The following DOCK5 variants were observed in gnomAD, a reference collection of about 807,000 sequenced individuals.
DOCK5 encodes dedicator of cytokinesis 5, also known as dedicator of cytokinesis protein 5.
In DOCK5, 142 loss-of-function variants were observed where a neutral mutation model predicts 251.8. The observed-to-expected ratio is 0.56, with a 90% CI of 0.49 to 0.65. The LOEUF (loss-of-function observed/expected upper bound fraction) is 0.65. Ranked by LOEUF, DOCK5 falls within the 30% of genes least tolerant of loss-of-function variation. The pLI, the probability that DOCK5 is intolerant of heterozygous loss-of-function variation, is 0.00. For synonymous variants in DOCK5, 842 were observed against 835.5 expected, an observed-to-expected ratio of 1.01 and a Z score of -0.13; for missense variants, 2,111 against 2,312.3, an observed-to-expected ratio of 0.91 and a Z score of 1.79.
At chr8:25,197,227 T>C (rs1801751805) in intron 1 of DOCK5, among the ~76,000 whole-genome samples, 1 of 152,154 alleles carries the variant, frequency 6.6e-6, no homozygotes, top group Admixed American at 6.5e-5. Context: ...TTTATAAAAG[T>C]GTTTTTTGAG....
At chr8:25,325,787 A>G (rs531047600) in intron 18 of DOCK5, among the ~76,000 whole-genome samples, 32 of 152,312 alleles carry the variant, frequency 2.1e-4, no homozygotes, top group Admixed American at 2.1e-3. Context: ...TTAGTATTTA[A>G]TATCTTAAAA....
At chr8:25,242,699 T>A (rs549967445) in intron 1 of DOCK5, among the ~76,000 whole-genome samples, 12 of 152,358 alleles carry the variant, frequency 7.9e-5, no homozygotes, top group Admixed American at 3.3e-4. Context: ...TAGTCTATCA[T>A]TTTTCACAAC....
At chr8:25,361,643 T>C (rs911435895) in intron 28 of DOCK5, among the ~76,000 whole-genome samples, 4 of 151,974 alleles carry the variant, frequency 2.6e-5, no homozygotes, top group Admixed American at 2.6e-4. Flanking sequence ...GTAAATAAAA[T>C]ATATGATGAA....
intron 33 of DOCK5, 27 bp from the exon 34 acceptor site, chr8:25,369,529 C>G (rs781247267): frequency 1.3e-6 from 2 of 1,584,300 alleles, no homozygotes; most frequent in African/African-American, 1.3e-5. Context: ...GCAACATTAT[C>G]CTGTGAAATT....
intron 5 of DOCK5, among the ~76,000 whole-genome samples, 178 bp from the exon 6 acceptor site, chr8:25,291,846 C>T (rs571096600): frequency 7.7e-6 from 1 of 130,238 alleles, no homozygotes; most frequent in African/African-American, 2.9e-5. Context: ...GCACTCCAGC[C>T]TGGGTGACAG....
At chr8:25,349,401 A>G (rs543442766) in intron 26 of DOCK5, among the ~76,000 whole-genome samples, 43 of 152,376 alleles carry the variant, frequency 2.8e-4, no homozygotes, top group African/African-American at 9.6e-4. Flanking sequence ...CATTCAATCC[A>G]GCAATTCCAC....
intron 1 of DOCK5, among the ~76,000 whole-genome samples, chr8:25,241,047 A>G (rs948927540): frequency 6.6e-6 from 1 of 152,188 alleles, no homozygotes; most frequent in Non-Finnish European, 1.5e-5. Context: ...ATAAAGATAT[A>G]TGCGATTGCA....
intron 5 of DOCK5, among the ~76,000 whole-genome samples, chr8:25,290,839 G>T (rs1007421527): frequency 6.6e-6 from 1 of 152,154 alleles, no homozygotes; most frequent in African/African-American, 2.4e-5. Context: ...GGGCACTGTG[G>T]GTGGGACCGC....
rs113940021 is a variant in DOCK5 at position 25,390,305 on chromosome 8, T to TA, written c.4355+32dup. 16,015 of 1,346,192 alleles carry TA rather than the reference T, an allele frequency of 0.012. No homozygotes were observed. Among genetic ancestry groups the TA allele is most frequent in the South Asian group, 0.013 (966 of 72,364 alleles). 83.4% of individuals were successfully genotyped at this position (1,346,192 alleles called of 1,614,324 possible). On this transcript the variant is annotated intron_variant, in intron 42 of 51. Transcript: ENST00000276440. Reference sequence around the variant, plus strand: ...ATCTTAAAGTAAGTGGTTTTTCATTTAAAAAAAAAAAAAATCTGTGTCTAG... The same window carrying TA: ...ATCTTAAAGTAAGTGGTTTTTCATTTAAAAAAAAAAAAAAATCTGTGTCTAG...
intron 1 of DOCK5, among the ~76,000 whole-genome samples, chr8:25,231,622 T>C (rs1802670750): frequency 6.6e-6 from 1 of 152,246 alleles, no homozygotes; most frequent in Admixed American, 6.5e-5. Flanking sequence ...ATAATCATGG[T>C]ATTTGCTCAT....
At chr8:25,402,336 G>A (rs767567587) in intron 47 of DOCK5, among the ~76,000 whole-genome samples, 4 of 151,418 alleles carry the variant, frequency 2.6e-5, no homozygotes, top group South Asian at 2.1e-4. Flanking sequence ...TCGCTCTGTC[G>A]CCCAGGCTGG....
chr8:25,232,832 C>G (rs1802704624), intron 1 of DOCK5, among the ~76,000 whole-genome samples: 1 of 152,170 alleles, frequency 6.6e-6, no homozygotes, highest in South Asian at 2.1e-4. Context: ...TCTGAGCTCT[C>G]AGCCCAGTAC....
chr8:25,198,746 A>G (rs1413482251), intron 1 of DOCK5, among the ~76,000 whole-genome samples: 1 of 152,188 alleles, frequency 6.6e-6, no homozygotes, highest in East Asian at 1.9e-4. Flanking sequence ...CAGATGACTT[A>G]CCTAAAAGTC....
At chr8:25,259,042 C>T (rs909138756) in intron 2 of DOCK5, among the ~76,000 whole-genome samples, 2 of 152,090 alleles carry the variant, frequency 1.3e-5, no homozygotes, top group African/African-American at 2.4e-5. Context: ...TTGCTTGAGC[C>T]CGGGGGGGCG....
At chr8:25,388,748 T>G in intron 40 of DOCK5, 1 of 209,580 alleles carries the variant, frequency 4.8e-6, no homozygotes, top group South Asian at 1.1e-4. Context: ...CATGAAAATA[T>G]CAGCATGCCT....
intron 38 of DOCK5, among the ~76,000 whole-genome samples, chr8:25,377,673 A>G (rs1370424239): frequency 6.6e-6 from 1 of 152,150 alleles, no homozygotes; most frequent in Non-Finnish European, 1.5e-5. Flanking sequence ...AGTCTGCTAG[A>G]ACAACCAATA....
chr8:25,213,360 G>A (rs1386512195), intron 1 of DOCK5, among the ~76,000 whole-genome samples: 1 of 115,620 alleles, frequency 8.6e-6, no homozygotes, highest in Non-Finnish European at 1.7e-5. Context: ...AGACATGAAT[G>A]TAGCAAAAAA....
chr8:25,383,276 C>T (rs1434509973), intron 40 of DOCK5, among the ~76,000 whole-genome samples: 1 of 152,148 alleles, frequency 6.6e-6, no homozygotes, highest in African/African-American at 2.4e-5. Flanking sequence ...TTATCTCTTA[C>T]GAAAAGTTTC....
intron 42 of DOCK5, 98 bp from the exon 43 acceptor site, chr8:25,391,798 C>T: frequency 9.5e-7 from 1 of 1,052,592 alleles, no homozygotes; most frequent in Non-Finnish European, 1.4e-6. Flanking sequence ...GTGGGTAAAA[C>T]TCAGACCAGG....
Sources: allele counts gnomAD v4.1 joint callset (sites outside exome capture counted in the v4.1 genomes callset), GRCh38; gene constraint gnomAD v4.1.1; transcripts MANE v1.5; gene names NCBI Gene and HGNC (gene_info 2026-07-23, HGNC 2026-07-21).